The following MACROD2 variants were observed in gnomAD, a reference collection of about 807,000 sequenced individuals.
MACROD2 encodes the protein ADP-ribose glycohydrolase MACROD2.
A neutral mutation model predicts 70.4 loss-of-function variants in MACROD2; 36 were observed. That is an observed-to-expected ratio of 0.51 (90% CI 0.39 to 0.68). MACROD2 has a LOEUF of 0.68. MACROD2 is among the 30% of genes least tolerant of loss of function. MACROD2 has a pLI of 0.00. For synonymous variants in MACROD2, 172 were observed against 178.8 expected, an observed-to-expected ratio of 0.96 and a Z score of 0.30; for missense variants, 496 against 538.4, an observed-to-expected ratio of 0.92 and a Z score of 0.78.
intron 2 of MACROD2, among the ~76,000 whole-genome samples, chr20:14,044,755 C>T (rs538447532): frequency 7.9e-5 from 12 of 152,354 alleles, no homozygotes; most frequent in East Asian, 1.9e-4. Flanking sequence ...TCAGGAGCCC[C>T]GCTGGCTTCA....
chr20:14,187,160 A>G (rs1008677790), intron 3 of MACROD2, among the ~76,000 whole-genome samples: 2 of 151,976 alleles, frequency 1.3e-5, no homozygotes, highest in African/African-American at 2.4e-5. Flanking sequence ...AAAAAAAAGA[A>G]ATGTGGTAGA....
intron 8 of MACROD2, among the ~76,000 whole-genome samples, chr20:15,726,102 C>T (rs1446726993): frequency 6.6e-6 from 1 of 152,074 alleles, no homozygotes; most frequent in Non-Finnish European, 1.5e-5. Flanking sequence ...CTCAAGTAGG[C>T]CCCAGTGTCT....
chr20:15,431,459 T>G (rs772617345), intron 7 of MACROD2, 24 bp downstream of exon 7: 1 of 1,604,034 alleles, frequency 6.2e-7, no homozygotes, highest in Admixed American at 1.7e-5. Context: ...CTTTTGATGA[T>G]GTTTGTATTT....
chr20:15,442,363 G>A (rs1008715142), intron 7 of MACROD2, among the ~76,000 whole-genome samples: 2 of 152,142 alleles, frequency 1.3e-5, no homozygotes, highest in African/African-American at 4.8e-5. Context: ...TGAATATCAT[G>A]TTTATTTACC....
At chr20:15,708,076 G>C (rs1390657207) in intron 8 of MACROD2, among the ~76,000 whole-genome samples, 1 of 151,164 alleles carries the variant, frequency 6.6e-6, no homozygotes, top group Admixed American at 6.6e-5. Context: ...CTGCACTTCT[G>C]CCAGAAGAGG....
intron 5 of MACROD2, among the ~76,000 whole-genome samples, chr20:15,012,738 C>CCGGTCT (rs367924228): frequency 5.3e-4 from 81 of 152,278 alleles, no homozygotes; most frequent in African/African-American, 1.8e-3. Flanking sequence ...ACCCCATTTC[C>CCGGTCT]CGGTCTCCGG....
At chr20:15,658,910 T>C (rs554809221) in intron 8 of MACROD2, among the ~76,000 whole-genome samples, 2 of 152,238 alleles carry the variant, frequency 1.3e-5, no homozygotes, top group Non-Finnish European at 1.5e-5. Context: ...CTGATTCTTC[T>C]AGCCAGAAGA....
intron 5 of MACROD2, among the ~76,000 whole-genome samples, chr20:15,129,569 G>C (rs2076090344): frequency 6.6e-6 from 1 of 152,056 alleles, no homozygotes; most frequent in East Asian, 1.9e-4. Context: ...AATTTTTCTT[G>C]TATAACTGTG....
chr20:13,996,871 C>T (rs1015033908), intron 1 of MACROD2, among the ~76,000 whole-genome samples: 2 of 152,152 alleles, frequency 1.3e-5, no homozygotes, highest in African/African-American at 4.8e-5. Context: ...TCTCCTGGTA[C>T]CTCATCTTTA....
chr20:14,007,100 T>C (rs1454376741), intron 2 of MACROD2, among the ~76,000 whole-genome samples: 1 of 152,188 alleles, frequency 6.6e-6, no homozygotes, highest in African/African-American at 2.4e-5. Context: ...CCATTCGTGA[T>C]TATTGCTTAG....
chr20:15,709,848 C>T (rs1194396476), intron 8 of MACROD2, among the ~76,000 whole-genome samples: 1 of 151,978 alleles, frequency 6.6e-6, no homozygotes, highest in Non-Finnish European at 1.5e-5. Context: ...TTACTGTAGC[C>T]ACCCTATAAT....
At chr20:14,957,553 C>T (rs2074547914) in intron 5 of MACROD2, among the ~76,000 whole-genome samples, 1 of 152,148 alleles carries the variant, frequency 6.6e-6, no homozygotes, top group Middle Eastern at 3.4e-3. Context: ...CAGCTCTAAT[C>T]GATTGGTAAT....
Position 15,209,097 on chromosome 20 carries a change from G to A in MACROD2, c.419-20843G>A, listed in dbSNP as rs1274781057. Reference sequence around the variant, plus strand: ...AGGTCATCCCTTTCCTGTGGTGGTGGTGGTGGTGGTGGTGGTGGTATTTAT... The same window carrying A: ...AGGTCATCCCTTTCCTGTGGTGGTGATGGTGGTGGTGGTGGTGGTATTTAT... On this transcript the variant is annotated intron_variant, in intron 5 of 17. Coordinates refer to ENST00000684519, the MANE Select transcript of MACROD2 (RefSeq NM_001351661.2). 6.0e-5 allele frequency among the ~76,000 whole-genome samples: 9 copies of A among 149,748 alleles called. No individual in the cohort carries two copies. The East Asian group carries it at 7.8e-4, about 13-fold the overall frequency.
At chr20:15,177,064 C>T (rs2076467724) in intron 5 of MACROD2, among the ~76,000 whole-genome samples, 1 of 152,202 alleles carries the variant, frequency 6.6e-6, no homozygotes, top group Admixed American at 6.5e-5. Flanking sequence ...CCTGGCTGTG[C>T]ACAGTGACCA....
intron 8 of MACROD2, among the ~76,000 whole-genome samples, chr20:15,592,771 C>T (rs1308071180): frequency 6.6e-6 from 1 of 152,174 alleles, no homozygotes; most frequent in African/African-American, 2.4e-5. Context: ...TCATTATTTG[C>T]AATCTCAGGT....
intron 3 of MACROD2, among the ~76,000 whole-genome samples, chr20:14,261,496 ATATAT>A (rs779247569): frequency 7.2e-5 from 11 of 152,166 alleles, no homozygotes; most frequent in East Asian, 5.8e-4. Flanking sequence ...AATAAGAATA[ATATAT>A]TAGTTTCATT....
At chr20:14,270,647 G>A (rs2082184792) in intron 3 of MACROD2, among the ~76,000 whole-genome samples, 1 of 149,374 alleles carries the variant, frequency 6.7e-6, no homozygotes, top group South Asian at 2.1e-4. Flanking sequence ...CTTTTTTCAA[G>A]ACCAAATGTC....
At chr20:14,775,738 G>A (rs1354309311) in intron 5 of MACROD2, among the ~76,000 whole-genome samples, 1 of 151,944 alleles carries the variant, frequency 6.6e-6, no homozygotes, top group African/African-American at 2.4e-5. Flanking sequence ...ATTCATGTAA[G>A]TACATAGAAA....
chr20:15,869,180 C>T (rs1489547233), intron 9 of MACROD2, among the ~76,000 whole-genome samples: 36 of 139,232 alleles, frequency 2.6e-4, no homozygotes, highest in African/African-American at 9.0e-4. Flanking sequence ...ATACACAATA[C>T]GCATGTCAAC....
Sources: allele counts gnomAD v4.1 joint callset (sites outside exome capture counted in the v4.1 genomes callset), GRCh38; gene constraint gnomAD v4.1.1; transcripts MANE v1.5; gene names NCBI Gene and HGNC (gene_info 2026-07-23, HGNC 2026-07-21).